MORC4: variants seen among roughly 807,000 people sequenced by gnomAD.
The protein encoded by MORC4 is MORC family CW-type zinc finger protein 4.
MORC4 carries 22 observed loss-of-function variants against 65.5 expected under a neutral mutation model. The ratio of observed to expected loss-of-function variants is 0.34; its 90% CI spans 0.24 to 0.48. MORC4 has a LOEUF of 0.48. Ranked by LOEUF, MORC4 falls within the 20% of genes least tolerant of loss-of-function variation. The pLI, the probability that MORC4 is intolerant of heterozygous loss-of-function variation, is 0.99. For missense variants in MORC4, 624 were observed against 703.0 expected (o/e 0.89, Z 1.27); for synonymous variants, 267 against 255.8 (o/e 1.04, Z -0.42).
chrX:106,959,281 G>T lies in MORC4; in HGVS notation c.1257-817C>A, dbSNP rs1934178537. Among the ~76,000 whole-genome samples, 2 of 110,881 alleles carry T rather than the reference G, an allele frequency of 1.8e-5. 1 individual carries two copies. The highest frequency in any genetic ancestry group is 1.9e-4 in the Admixed American group (2 of 10,372). On this transcript the variant is annotated intron_variant, in intron 10 of 16. Transcript: ENST00000355610. ...CTGAGAAAGTGGTCCTTATATGACA[G>T]AAGTACTCAGTACCTAAGGTGTAAA...
At chrX:106,948,756 C>T (rs950564742) in intron 14 of MORC4, among the ~76,000 whole-genome samples, 8 of 111,724 alleles carry the variant, frequency 7.2e-5, no homozygotes, top group Non-Finnish European at 1.3e-4. Flanking sequence ...TACGTCATCA[C>T]GCTGCCTTCT....
At chrX:106,992,342 T>C (rs1178832152) in intron 3 of MORC4, among the ~76,000 whole-genome samples, 1 of 112,444 alleles carries the variant, frequency 8.9e-6, no homozygotes, top group Non-Finnish European at 1.9e-5. Context: ...TTGGAGCCCT[T>C]TCCCTCCTCC....
chrX:106,994,773 C>CTT (rs200956837), intron 2 of MORC4, among the ~76,000 whole-genome samples: 9 of 107,058 alleles, frequency 8.4e-5, no homozygotes, highest in African/African-American at 2.1e-4. Context: ...TATAGTCAAT[C>CTT]TTTTTTTTTT....
At chrX:106,966,581 A>G (rs746602500) in intron 9 of MORC4, among the ~76,000 whole-genome samples, 1 of 112,829 alleles carries the variant, frequency 8.9e-6, no homozygotes, top group African/African-American at 3.2e-5. Flanking sequence ...ACTTCTGCCC[A>G]AATACTGCAC....
chrX:106,985,115 G>C lies in MORC4; in HGVS notation c.655C>G (p.Leu219Val). Residue 219 changes from leucine (L) to valine (V), a missense_variant, in exon 5 of 17, where the codon CTC becomes GTC. Physicochemically the swap from Leu to Val is conservative, Grantham distance 32. Transcript: ENST00000355610. ...CTATACCTGCGGATGTTCCAAATGA[G>C]AACACGAGTGCCTTTTTTGCCTGGG... ...AIPGKKGTRV[L>V]IWNIRRNKNG... 8.3e-7 allele frequency: 1 copy of C among 1,205,081 alleles called. No individual in the cohort carries two copies. The highest frequency in any genetic ancestry group is 1.1e-6 in the Non-Finnish European group (1 of 891,530).
intron 9 of MORC4, among the ~76,000 whole-genome samples, chrX:106,966,334 G>T (rs1222803039): frequency 1.8e-5 from 2 of 112,362 alleles, no homozygotes. Flanking sequence ...TGGCTGAATA[G>T]GAACAGCCCC....
chrX:106,943,172 C>T lies in MORC4; in HGVS notation c.1719G>A (p.Val573=). Residue 573 remains valine (V), a synonymous_variant, in exon 15 of 17, where the codon GTG becomes GTA. Coordinates refer to ENST00000355610, the MANE Select transcript of MORC4 (RefSeq NM_024657.5). ...CATTCTGGAGCCTTCTTCGTTTCTC[C>T]ACCGGTTCTTCACCTAGGATCCATT... ...KYKWILGEEP[V]EKRRRLQNEM... The T allele has an allele frequency of 8.3e-7, 1 of 1,206,652 alleles. No homozygotes were observed. Among genetic ancestry groups the T allele is most frequent in the Non-Finnish European group, 1.1e-6 (1 of 891,476 alleles).
In MORC4 at chrX:106,965,491, G is replaced by A. The variant is rs756311529; in HGVS notation, c.1158-3381C>T. 2.7e-5 allele frequency among the ~76,000 whole-genome samples: 3 copies of A among 112,219 alleles called. 1 individual carries two copies. Among genetic ancestry groups the A allele is most frequent in the African/African-American group, 6.5e-5 (2 of 30,980 alleles). On this transcript the variant is annotated intron_variant, in intron 9 of 16. Coordinates refer to ENST00000355610, the MANE Select transcript of MORC4 (RefSeq NM_024657.5). The stretch of plus-strand genomic sequence containing the variant: ...GACAGAAGTAAGTCTCTCCTTATCA[G>A]TAATTACTTTAATGTAAATGGATTA...
Position 106,962,061 on chromosome X carries a change from T to G in MORC4, c.1207A>C (p.Lys403Gln), listed in dbSNP as rs1002826564. 3 of 1,209,378 alleles carry G rather than the reference T, an allele frequency of 2.5e-6. No individual in the cohort carries two copies. The African/African-American group carries it at 5.2e-5, about 21-fold the overall frequency. ...GTCTCAAAATTATCTTGAGATGTTT[T>G]TTCCTTCCAGTAAGCATTGAGCTTC... ...AQKLNAYWKE[K>Q]TSQDNFETST... The change falls in exon 10 of 17, where the codon AAA (lysine) becomes CAA (glutamine). Residue 403 changes from lysine to glutamine, a missense_variant. By Grantham distance (53) the Lys-to-Gln change is moderately conservative. Transcript: ENST00000355610.
At chrX:106,944,708 T>C (rs1933781313) in intron 14 of MORC4, among the ~76,000 whole-genome samples, 1 of 111,809 alleles carries the variant, frequency 8.9e-6, no homozygotes, top group African/African-American at 3.3e-5. Flanking sequence ...TCAGTATGTA[T>C]AAAACCAACC....
In MORC4 at chrX:107,000,009, C is replaced by CCCTG. The variant is rs775795321; in HGVS notation, c.-44_-41dup. ...CGGTACCCGTCTGCTGCCGCCGGAC[C>CCCTG]CCTGGCCCGGCGGTCCGGGACTAGC... is the stretch of plus-strand genomic sequence containing the variant. On this transcript the variant is annotated 5_prime_UTR_variant, in exon 1 of 17. Coordinates refer to ENST00000355610, the MANE Select transcript of MORC4 (RefSeq NM_024657.5). 2 of 674,309 alleles carry CCCTG rather than the reference C, an allele frequency of 3.0e-6. No homozygotes were observed. Among genetic ancestry groups the CCCTG allele is most frequent in the Non-Finnish European group, 3.7e-6 (2 of 533,643 alleles). The allele number at this position is 674,309 out of a possible 1,213,427, so 55.6% of individuals were successfully genotyped here.
chrX:106,996,066 T>C (rs1463007527), intron 2 of MORC4, among the ~76,000 whole-genome samples: 3 of 111,703 alleles, frequency 2.7e-5, no homozygotes, highest in Admixed American at 1.9e-4. Flanking sequence ...CACCTATCAA[T>C]TGCAACTACA....
In MORC4 at chrX:106,941,446, G is replaced by T; in HGVS notation, c.*33C>A. 2.7e-6 allele frequency: 3 copies of T among 1,093,908 alleles called. No homozygotes were observed. The highest frequency in any genetic ancestry group is 3.7e-6 in the Non-Finnish European group (3 of 805,991). The allele number at this position is 1,093,908 out of a possible 1,213,427, so 90.2% of individuals were successfully genotyped here. ...GGGAGAGAAAAGAGAACAGACAGAA[G>T]ATAAGAGAAGAGAAGGGTATACAGT... On this transcript the variant is annotated 3_prime_UTR_variant, in exon 17 of 17. Transcript: ENST00000355610.
At chrX:106,982,267 A>G (rs941308701) in intron 5 of MORC4, among the ~76,000 whole-genome samples, 2 of 112,566 alleles carry the variant, frequency 1.8e-5, no homozygotes, top group African/African-American at 6.5e-5. Flanking sequence ...CTTAAAAAGA[A>G]ATAAATACAT....
At chrX:106,974,667 A>T (rs980347862) in intron 9 of MORC4, among the ~76,000 whole-genome samples, 2 of 111,660 alleles carry the variant, frequency 1.8e-5, no homozygotes, top group Admixed American at 1.9e-4. Flanking sequence ...ACAACTGTTA[A>T]AAGTGGTATT....
chrX:106,991,401 A>G (rs1315555078), intron 3 of MORC4, among the ~76,000 whole-genome samples: 1 of 112,594 alleles, frequency 8.9e-6, no homozygotes, highest in Non-Finnish European at 1.9e-5. Flanking sequence ...CTCAATAAAA[A>G]TTTGTTGAAT....
rs1934863424 is a variant in MORC4 at position 106,986,076 on chromosome X, T to C, written c.433A>G (p.Thr145Ala). The change falls in exon 4 of 17, where the codon ACT (threonine) becomes GCT (alanine). Residue 145 changes from threonine to alanine, a missense_variant. By Grantham distance (58) the Thr-to-Ala change is moderately conservative (BLOSUM62 0). Transcript: ENST00000355610. ...TGTGATAGAAGTCCAACAGTGAGAG[T>C]ACCCCCATTCTTGGTGAAGACAAGG... ...DALVFTKNGGTLTVGLLSQTY... is the reference protein window; with the variant it reads ...DALVFTKNGGALTVGLLSQTY... 1.7e-6 allele frequency: 2 copies of C among 1,210,382 alleles called. No individual in the cohort carries two copies. Among genetic ancestry groups the C allele is most frequent in the Non-Finnish European group, 2.2e-6 (2 of 894,384 alleles).
chrX:106,999,908 G>C lies in MORC4; in HGVS notation c.62C>G (p.Pro21Arg). The C allele has an allele frequency of 1.2e-6, 1 of 829,796 alleles. No individual in the cohort carries two copies. The highest frequency in any genetic ancestry group is 7.4e-5 in the East Asian group (1 of 13,552). The allele number at this position is 829,796 out of a possible 1,213,427, so 68.4% of individuals were successfully genotyped here. A position where few individuals can be genotyped will look rare whatever the true frequency, so the allele number is the denominator to read the frequency against. Residue 21 changes from proline (P) to arginine (R), a missense_variant, in exon 1 of 17, where the codon CCC becomes CGC. Transcript: ENST00000355610. ...CCCGAAGGCCTGCGGGCCGCCGCCGGGCCGGGCCAGCCCGCAGCCCGGCGC... is the reference window on the plus strand; with the variant it reads ...CCCGAAGGCCTGCGGGCCGCCGCCGCGCCGGGCCAGCCCGCAGCCCGGCGC... ...PGAPGCGLAR[P>R]GGGPQAFGIR...
chrX:106,980,184 A>C (rs1602500045), intron 7 of MORC4, among the ~76,000 whole-genome samples: 1 of 111,340 alleles, frequency 9.0e-6, no homozygotes, highest in East Asian at 2.8e-4. Context: ...AAAAGCCATC[A>C]ACAAAGTTGT....
Sources: allele counts gnomAD v4.1 joint callset (sites outside exome capture counted in the v4.1 genomes callset), GRCh38; gene constraint gnomAD v4.1.1; transcripts MANE v1.5; gene names NCBI Gene and HGNC (gene_info 2026-07-23, HGNC 2026-07-21).